The following SEMA7A variants were observed in gnomAD, a reference collection of about 807,000 sequenced individuals.
The protein encoded by SEMA7A is semaphorin-7A.
A neutral mutation model predicts 67.5 loss-of-function variants in SEMA7A; 21 were observed. The ratio of observed to expected loss-of-function variants is 0.31; its 90% confidence interval spans 0.22 to 0.45. The LOEUF (loss-of-function observed/expected upper bound fraction) is 0.45. Among genes scored for constraint, SEMA7A ranks in the 20% least tolerant of loss-of-function variants. The probability of loss-of-function intolerance (pLI) is 1.00; values close to 1 mark genes in which losing one functional copy is unlikely to be tolerated. For synonymous variants in SEMA7A, 364 were observed against 368.5 expected (o/e 0.99, Z 0.14); for missense variants, 774 against 908.6 (o/e 0.85, Z 1.90).
chr15:74,418,089 G>C (rs1323405381), intron 3 of SEMA7A, 120 bp from the exon 4 acceptor site: 12 of 1,251,820 alleles, frequency 9.6e-6, no homozygotes, highest in Admixed American at 1.9e-5. Context: ...ATAGGTGACA[G>C]CCTCCCGGGA....
chr15:74,415,989 G>C lies in SEMA7A; in HGVS notation c.802-4C>G. ...AACTTTCCCCACCCTGGTCCCCCTG[G>C]AAGGGTAGAGGGGAGAAGAGGCCCC... On this transcript the variant is annotated splice_polypyrimidine_tract_variant and splice_region_variant and intron_variant, in intron 7 of 13. Coordinates refer to ENST00000261918, the MANE Select transcript of SEMA7A (RefSeq NM_003612.5). 5 of 1,613,802 alleles carry C rather than the reference G, an allele frequency of 3.1e-6. No individual in the cohort carries two copies. The highest frequency in any genetic ancestry group is 1.1e-5 in the South Asian group (1 of 91,070).
intron 10 of SEMA7A, 144 bp from the exon 11 acceptor site, chr15:74,412,156 G>T: frequency 2.0e-6 from 2 of 989,530 alleles, no homozygotes; most frequent in Non-Finnish European, 2.9e-6. Flanking sequence ...GAGCGTGACT[G>T]GGGAAGAATG....
chr15:74,419,455 A>G (rs1356358702), intron 1 of SEMA7A, among the ~76,000 whole-genome samples: 1 of 152,126 alleles, frequency 6.6e-6, no homozygotes, highest in African/African-American at 2.4e-5. Flanking sequence ...CCCAGGAATC[A>G]CAATGCTCAG....
intron 1 of SEMA7A, among the ~76,000 whole-genome samples, chr15:74,431,796 G>A (rs1200612451): frequency 6.6e-6 from 1 of 151,442 alleles, no homozygotes; most frequent in Non-Finnish European, 1.5e-5. Context: ...GGCCTGTCTG[G>A]CCAGTGGGGC....
Position 74,411,846 on chromosome 15 carries a change from C to A in SEMA7A, c.1422+39G>T. ...AAGGAGCCCTGTCCTCAGCTGCAGT[C>A]ACTGCATAGCCCATGGGACGCAGTG... is the stretch of plus-strand genomic sequence containing the variant. On this transcript the variant is annotated intron_variant, in intron 11 of 13. Coordinates refer to ENST00000261918, the MANE Select transcript of SEMA7A (RefSeq NM_003612.5). The surrounding 1 kb of genome is among the most constrained non-coding windows in gnomAD (Gnocchi z 4.4). 1.2e-6 allele frequency: 2 copies of A among 1,610,974 alleles called. No individual in the cohort carries two copies. Among genetic ancestry groups the A allele is most frequent in the South Asian group, 2.2e-5 (2 of 90,754 alleles).
In SEMA7A at chr15:74,411,307, T is replaced by C. The variant is rs369613060; in HGVS notation, c.1627A>G (p.Asn543Asp). ...NPAEPHKECP[N>D]PKPDKAPLQK... is the part of the protein sequence containing the mutation. ...CCAGATCAGGTACCTGGTTTGGGGTTGGGACACTCCTTGTGTGGCTCGGCT... is the reference window on the plus strand; with the variant it reads ...CCAGATCAGGTACCTGGTTTGGGGTCGGGACACTCCTTGTGTGGCTCGGCT... Residue 543 changes from asparagine (N) to aspartate (D), a missense_variant, in exon 13 of 14, where the codon AAC becomes GAC. Asn to Asp is a conservative substitution (Grantham distance 23). Coordinates refer to ENST00000261918, the MANE Select transcript of SEMA7A (RefSeq NM_003612.5). This position sits in a 1 kb window ranked among gnomAD's most constrained non-coding sequence, Gnocchi z 4.4. The C allele has an allele frequency of 6.8e-5, 109 of 1,613,958 alleles. No individual in the cohort carries two copies. Among genetic ancestry groups the C allele is most frequent in the Non-Finnish European group, 8.9e-5 (105 of 1,179,992 alleles).
chr15:74,433,716 T>C (rs754008389), intron 1 of SEMA7A, 25 bp downstream of exon 1: 10 of 1,416,776 alleles, frequency 7.1e-6, no homozygotes, highest in South Asian at 2.9e-5. Flanking sequence ...ATCCCGCGCC[T>C]GACCGGCCGC....
Position 74,414,988 on chromosome 15 carries a change from C to T in SEMA7A, c.987-42G>A. On this transcript the variant is annotated intron_variant, in intron 8 of 13. Transcript: ENST00000261918. This position sits in a 1 kb window ranked among gnomAD's most constrained non-coding sequence, Gnocchi z 4.1. The stretch of plus-strand genomic sequence containing the variant: ...ACCAGCTCAATGGGGGGCCCAGAAC[C>T]CACCCATCCACCTCCACTCACCCAG... 6.6e-7 allele frequency: 1 copy of T among 1,517,412 alleles called. No homozygotes were observed. The highest frequency in any genetic ancestry group is 9.1e-7 in the Non-Finnish European group (1 of 1,097,464). 94.0% of individuals were successfully genotyped at this position (1,517,412 alleles called of 1,614,324 possible). A position where few individuals can be genotyped will look rare whatever the true frequency, so the allele number is the denominator to read the frequency against.
chr15:74,414,437 A>T lies in SEMA7A; in HGVS notation c.1294+110T>A. 8.7e-7 allele frequency: 1 copy of T among 1,147,928 alleles called. No homozygotes were observed. The highest frequency in any genetic ancestry group is 1.3e-6 in the Non-Finnish European group (1 of 779,194). 71.1% of individuals were successfully genotyped at this position (1,147,928 alleles called of 1,614,324 possible). ...AACCCCTGACAACTCCAGTCACTCA[A>T]TTATTCCTTCCACATGTAAAGATCC... On this transcript the variant is annotated intron_variant, in intron 10 of 13. Transcript: ENST00000261918. This position sits in a 1 kb window ranked among gnomAD's most constrained non-coding sequence, Gnocchi z 4.1.
At chr15:74,421,248 C>T (rs770081516) in intron 1 of SEMA7A, among the ~76,000 whole-genome samples, 4 of 152,144 alleles carry the variant, frequency 2.6e-5, no homozygotes, top group Non-Finnish European at 4.4e-5. Context: ...GACAGCCACA[C>T]CACAGAAAAC....
rs377403660 is a variant in SEMA7A, at chr15:74,411,494, C to T, written c.1577+62G>A. The T allele has an allele frequency of 1.3e-6, 2 of 1,544,420 alleles. No individual in the cohort carries two copies. Among genetic ancestry groups the T allele is most frequent in the Non-Finnish European group, 1.7e-6 (2 of 1,144,580 alleles). ...AGTACCGCCACCTCCTCCAGCCCGA[C>T]AACACCTCCCCCTCTCCCATGCCCA... is the stretch of plus-strand genomic sequence containing the variant. On this transcript the variant is annotated intron_variant, in intron 12 of 13. Transcript: ENST00000261918. This position sits in a 1 kb window ranked among gnomAD's most constrained non-coding sequence, Gnocchi z 4.4.
rs764228804 is a variant in SEMA7A at position 74,417,584 on chromosome 15, G to GC, written c.550+6dup. On this transcript the variant is annotated splice_region_variant and intron_variant, in intron 5 of 13. Coordinates refer to ENST00000261918, the MANE Select transcript of SEMA7A (RefSeq NM_003612.5). The stretch of plus-strand genomic sequence containing the variant: ...CCCCTGGGGCGCCTGCTCCAGCACT[G>GC]CCCTACCTTCAAACAGAACCAGGGA... The GC allele has an allele frequency of 1.2e-6, 2 of 1,611,568 alleles. No homozygotes were observed. Among genetic ancestry groups the GC allele is most frequent in the South Asian group, 2.2e-5 (2 of 90,896 alleles).
At chr15:74,416,759 C>A (rs1036285668) in intron 6 of SEMA7A, 45 bp from the exon 7 acceptor site, 1 of 1,601,058 alleles carries the variant, frequency 6.2e-7, no homozygotes, top group South Asian at 1.1e-5. Context: ...GGAAGCTTGC[C>A]CGGGAGACCA....
Position 74,411,007 on chromosome 15 carries a change from A to T in SEMA7A, c.1640-22T>A, listed in dbSNP as rs2060894953. Reference sequence around the variant, plus strand: ...TTGTCTGGGGAGGCAGTGGGGAAGCAGCCGTGAGGAGGGACAAAGAGCTCC... The same window carrying T: ...TTGTCTGGGGAGGCAGTGGGGAAGCTGCCGTGAGGAGGGACAAAGAGCTCC... On this transcript the variant is annotated intron_variant, in intron 13 of 13. Coordinates refer to ENST00000261918, the MANE Select transcript of SEMA7A (RefSeq NM_003612.5). This position sits in a 1 kb window ranked among gnomAD's most constrained non-coding sequence, Gnocchi z 4.4. The T allele has an allele frequency of 1.9e-6, 3 of 1,600,164 alleles. No homozygotes were observed. Among genetic ancestry groups the T allele is most frequent in the Non-Finnish European group, 2.6e-6 (3 of 1,172,928 alleles).
Position 74,411,248 on chromosome 15 carries a change from T to C in SEMA7A, c.1639+47A>G. ...GACCAGGACAATCAGGGCAGGGCAGTACCCCACTCATTGGGCCACAGCCGC... is the reference window on the plus strand; with the variant it reads ...GACCAGGACAATCAGGGCAGGGCAGCACCCCACTCATTGGGCCACAGCCGC... On this transcript the variant is annotated intron_variant, in intron 13 of 13. Coordinates refer to ENST00000261918, the MANE Select transcript of SEMA7A (RefSeq NM_003612.5). The surrounding 1 kb of genome is among the most constrained non-coding windows in gnomAD (Gnocchi z 4.4). The C allele has an allele frequency of 2.5e-6, 4 of 1,586,024 alleles. No homozygotes were observed. Among genetic ancestry groups the C allele is most frequent in the South Asian group, 1.1e-5 (1 of 88,626 alleles).
Position 74,411,370 on chromosome 15 carries a change from G to A in SEMA7A, c.1578-14C>T. 5 of 1,613,422 alleles carry A rather than the reference G, an allele frequency of 3.1e-6. No homozygotes were observed. Among genetic ancestry groups the A allele is most frequent in the Non-Finnish European group, 4.2e-6 (5 of 1,179,606 alleles). ...TGCAGCACTGACCTGGAGTGGGAAGGACGAAAGAGGATCAGCAGATACAAG... is the reference window on the plus strand; with the variant it reads ...TGCAGCACTGACCTGGAGTGGGAAGAACGAAAGAGGATCAGCAGATACAAG... On this transcript the variant is annotated splice_polypyrimidine_tract_variant and intron_variant, in intron 12 of 13. Coordinates refer to ENST00000261918, the MANE Select transcript of SEMA7A (RefSeq NM_003612.5). The surrounding 1 kb of genome is among the most constrained non-coding windows in gnomAD (Gnocchi z 4.4).
chr15:74,421,021 G>A lies in SEMA7A; in HGVS notation c.179-2069C>T, dbSNP rs139282638. Among the ~76,000 whole-genome samples, 53 of 152,360 alleles carry A rather than the reference G, an allele frequency of 3.5e-4. No individual in the cohort carries two copies. In the East Asian group the frequency reaches 5.2e-3, roughly 15 times the overall value. ...ACAGGCCCAGGTCTCCGAGGGGGCC[G>A]GCAAGGCCAATGTACAACTACTCAA... On this transcript the variant is annotated intron_variant, in intron 1 of 13. Transcript: ENST00000261918.
Position 74,410,778 on chromosome 15 carries a change from T to C in SEMA7A, c.1847A>G (p.Gln616Arg), listed in dbSNP as rs768083623. Residue 616 changes from glutamine to arginine, a missense_variant, in exon 14 of 14, where the codon CAG (glutamine) becomes CGG (arginine). Transcript: ENST00000261918. This position sits in a 1 kb window ranked among gnomAD's most constrained non-coding sequence, Gnocchi z 7.5. ...QQYGHYFCEA[Q>R]EGSYFREAQH... ...AGCCTCGCGGAAGTAGGAGCCCTCCTGGGCCTCGCAGAAGTAGTGGCCGTA... is the reference window on the plus strand; with the variant it reads ...AGCCTCGCGGAAGTAGGAGCCCTCCCGGGCCTCGCAGAAGTAGTGGCCGTA... 2.2e-5 allele frequency: 36 copies of C among 1,614,072 alleles called. No individual in the cohort carries two copies. Among genetic ancestry groups the C allele is most frequent in the Non-Finnish European group, 2.9e-5 (34 of 1,180,048 alleles).
chr15:74,418,439 G>C (rs983770825), intron 2 of SEMA7A, 130 bp from the exon 3 acceptor site: 2 of 875,268 alleles, frequency 2.3e-6, no homozygotes, highest in Admixed American at 4.9e-5. Context: ...GAGCAACTGG[G>C]GCTCTGAGAG....
Sources: allele counts gnomAD v4.1 joint callset (sites outside exome capture counted in the v4.1 genomes callset), GRCh38; gene constraint gnomAD v4.1.1; non-coding constraint Gnocchi (gnomAD v3.1); transcripts MANE v1.5; gene names NCBI Gene and HGNC (gene_info 2026-07-23, HGNC 2026-07-21).